Variants in NCOR2 observed in about 807,000 individuals in gnomAD.
NCOR2 encodes CTG repeat protein 26.
NCOR2 carries 81 observed loss-of-function variants against 262.9 expected under a neutral mutation model. The ratio of observed to expected loss-of-function variants is 0.31; its 90% CI spans 0.26 to 0.37. The LOEUF (loss-of-function observed/expected upper bound fraction) is 0.37. Ranked by LOEUF, NCOR2 falls within the 10% of genes least tolerant of loss-of-function variation. The pLI, the probability that NCOR2 is intolerant of heterozygous loss-of-function variation, is 1.00. For synonymous variants in NCOR2, 1,659 were observed against 1,559.3 expected, an observed-to-expected ratio of 1.06 and a Z score of -1.51; for missense variants, 3,385 against 3,621.4, an observed-to-expected ratio of 0.93 and a Z score of 1.68.
chr12:124,325,582 A>G, exon 47 of NCOR2: 1 of 1,278,946 alleles, frequency 7.8e-7, no homozygotes, highest in Non-Finnish European at 1.0e-6. Context: ...ATGGCGTGGA[A>G]CCTGCGGGAA....
exon 45 of NCOR2, chr12:124,327,589 T>C: frequency 1.2e-6 from 2 of 1,612,952 alleles, no homozygotes; most frequent in Non-Finnish European, 1.7e-6. Flanking sequence ...CCCATGTTGG[T>C]GCTGGCATGT....
chr12:124,437,191 A>G (rs79821194), intron 8 of NCOR2, among the ~76,000 whole-genome samples: 9,853 of 152,316 alleles, frequency 0.065, 434 homozygotes, highest in Admixed American at 0.13. Flanking sequence ...TCTACACCCA[A>G]CAGACATTTC....
At position 124,348,649 on chromosome 12, in the gene NCOR2, G is replaced by A. The variant is rs137946380; in HGVS notation, c.3845-335C>T. ...CACGTGAGTCTGTGTCCACACCCACGGGTGCCGACATGGGGCGTGAACAAG... is the reference window on the plus strand; with the variant it reads ...CACGTGAGTCTGTGTCCACACCCACAGGTGCCGACATGGGGCGTGAACAAG... On this transcript the variant is annotated intron_variant, in intron 28 of 46. Transcript: ENST00000405201. The A allele has an allele frequency of 2.5e-3, 938 of 375,618 alleles. 2 individuals carry two copies. Among genetic ancestry groups the A allele is most frequent in the Non-Finnish European group, 3.7e-3 (761 of 207,396 alleles). The allele number at this position is 375,618 out of a possible 1,614,324, so 23.3% of individuals were successfully genotyped here.
chr12:124,419,337 T>C (rs1218161433), intron 13 of NCOR2, among the ~76,000 whole-genome samples: 4 of 152,202 alleles, frequency 2.6e-5, no homozygotes, highest in Non-Finnish European at 1.5e-5. Context: ...GACGCTGCCA[T>C]GGTAATATGT....
At chr12:124,414,590 AGAG>A (rs2042760222) in intron 13 of NCOR2, among the ~76,000 whole-genome samples, 2 of 152,194 alleles carry the variant, frequency 1.3e-5, no homozygotes, top group Admixed American at 6.5e-5. Context: ...TTCCAAAACT[AGAG>A]GGCCCAGGAA....
chr12:124,463,503 G>A lies in NCOR2; in HGVS notation c.705+2670C>T, dbSNP rs3825139. Among the ~76,000 whole-genome samples the A allele has an allele frequency of 2.1e-3, 323 of 152,324 alleles. 5 individuals are homozygous for A. The East Asian group carries it at 0.028, about 13-fold the overall frequency. On this transcript the variant is annotated intron_variant, in intron 5 of 46. Transcript: ENST00000405201. The stretch of plus-strand genomic sequence containing the variant: ...CCCACGCAGGCAGCTCCCAGGAGGC[G>A]GGGAGGCGGGAAAAGCCTCGCTCAG...
intron 26 of NCOR2, 42 bp from the exon 29 acceptor site, chr12:124,354,238 C>T: frequency 6.5e-7 from 1 of 1,533,812 alleles, no homozygotes; most frequent in Non-Finnish European, 8.8e-7. Context: ...TGTCTGTGGC[C>T]CTTCCTTCCC....
chr12:124,342,874 C>T, intron 33 of NCOR2, 131 bp downstream of exon 35: 1 of 937,606 alleles, frequency 1.1e-6, no homozygotes, highest in Non-Finnish European at 1.6e-6. Flanking sequence ...GTCTTCCAAT[C>T]CCGAGGCCTC....
In NCOR2 at chr12:124,481,266, G is replaced by C. The variant is rs376842875; in HGVS notation, c.411+2330C>G. Among the ~76,000 whole-genome samples, 4 of 152,114 alleles carry C rather than the reference G, an allele frequency of 2.6e-5. No homozygotes were observed. The highest frequency in any genetic ancestry group is 4.4e-5 in the Non-Finnish European group (3 of 67,986). ...GGCAGGGATGCTGGCTGGGGTACCC[G>C]AGGGGGCAGTGCCCGAGAGGAACTG... On this transcript the variant is annotated intron_variant, in intron 3 of 46. Transcript: ENST00000405201. This position sits in a 1 kb window ranked among gnomAD's most constrained non-coding sequence, Gnocchi z 4.6.
intron 44 of NCOR2, among the ~76,000 whole-genome samples, chr12:124,330,458 G>A (rs1449595732): frequency 6.6e-6 from 1 of 152,260 alleles, no homozygotes; most frequent in Non-Finnish European, 1.5e-5. Flanking sequence ...TGAAGCTCTA[G>A]CTATAACAAA....
chr12:124,334,702 G>C (rs1036088938), intron 40 of NCOR2, 85 bp from the exon 43 acceptor site: 2 of 707,848 alleles, frequency 2.8e-6, no homozygotes, highest in African/African-American at 3.7e-5. Flanking sequence ...GACGGAGCTC[G>C]GGGCAGAATC....
Position 124,366,314 on chromosome 12 carries a change from T to C in NCOR2, c.2808-2515A>G, listed in dbSNP as rs112626330. Among the ~76,000 whole-genome samples, 17 of 152,262 alleles carry C rather than the reference T, an allele frequency of 1.1e-4. 1 individual carries two copies. The highest frequency in any genetic ancestry group is 3.9e-4 in the African/African-American group (16 of 41,544). ...ACGTGGGTGGACCCTGAAGACACGA[T>C]GCGCGTGAAACAAGCTAGTCGCAGA... is the stretch of plus-strand genomic sequence containing the variant. On this transcript the variant is annotated intron_variant, in intron 20 of 46. Transcript: ENST00000405201.
chr12:124,452,294 G>A (rs906999534), intron 6 of NCOR2, among the ~76,000 whole-genome samples: 2 of 152,218 alleles, frequency 1.3e-5, no homozygotes, highest in East Asian at 1.9e-4. Context: ...GCTGTAACCC[G>A]GGCAACCACA....
intron 1 of NCOR2, among the ~76,000 whole-genome samples, chr12:124,534,497 T>C (rs1346417868): frequency 1.3e-5 from 2 of 151,718 alleles, no homozygotes; most frequent in African/African-American, 2.4e-5. Context: ...ATGGGACCAC[T>C]GTCATATATG....
At chr12:124,351,906 C>T (rs2037506361) in intron 27 of NCOR2, among the ~76,000 whole-genome samples, 1 of 152,210 alleles carries the variant, frequency 6.6e-6, no homozygotes, top group African/African-American at 2.4e-5. Flanking sequence ...GACCAGTGAG[C>T]TCTGAGTCTC....
chr12:124,474,195 A>C (rs762903265), intron 3 of NCOR2, among the ~76,000 whole-genome samples: 2 of 152,222 alleles, frequency 1.3e-5, no homozygotes, highest in Non-Finnish European at 2.9e-5. Context: ...AGCTCAGTCC[A>C]AACACGCAAG....
At chr12:124,455,108 T>C (rs1003351176) in intron 6 of NCOR2, among the ~76,000 whole-genome samples, 10 of 152,292 alleles carry the variant, frequency 6.6e-5, no homozygotes, top group South Asian at 4.1e-4. Context: ...GGCAAATCCA[T>C]AGAGACAGAA....
intron 22 of NCOR2, among the ~76,000 whole-genome samples, chr12:124,359,141 C>T (rs180671680): frequency 6.6e-6 from 1 of 152,238 alleles, no homozygotes; most frequent in Non-Finnish European, 1.5e-5. Flanking sequence ...CTGCTGGCCT[C>T]TCGCCCTTTG....
intron 22 of NCOR2, among the ~76,000 whole-genome samples, chr12:124,360,860 GAACGACTCTAA>G (rs561858908): frequency 1.8e-3 from 278 of 152,198 alleles, no homozygotes; most frequent in Middle Eastern, 6.8e-3. Context: ...CATGGTGGAT[GAACGACTCTAA>G]AACCATCTTG....
Sources: allele counts gnomAD v4.1 joint callset (sites outside exome capture counted in the v4.1 genomes callset), GRCh38; gene constraint gnomAD v4.1.1; non-coding constraint Gnocchi (gnomAD v3.1); transcripts MANE v1.5; gene names NCBI Gene and HGNC (gene_info 2026-07-23, HGNC 2026-07-21).